Variants in TMEM232 observed in about 807,000 individuals in gnomAD.
TMEM232 encodes transmembrane protein 232.
In TMEM232, 80 loss-of-function variants were observed where a neutral mutation model predicts 78.8. That is an observed-to-expected ratio of 1.01 (90% CI 0.85 to 1.22). TMEM232 has a LOEUF of 1.22. Among genes scored for constraint, TMEM232 ranks in the 50% most tolerant of loss-of-function variants. TMEM232 has a pLI of 0.00. For missense variants in TMEM232, 881 were observed against 742.2 expected (o/e 1.19, Z -2.17); for synonymous variants, 297 against 254.3 (o/e 1.17, Z -1.60).
At chr5:110,721,419 T>A (rs1797588844) in intron 1 of TMEM232, among the ~76,000 whole-genome samples, 1 of 151,636 alleles carries the variant, frequency 6.6e-6, no homozygotes, top group Non-Finnish European at 1.5e-5. Context: ...CTTCTGTTTG[T>A]CATAATGTCT....
chr5:110,724,342 CTT>C (rs1184801979), intron 1 of TMEM232, among the ~76,000 whole-genome samples: 1 of 152,162 alleles, frequency 6.6e-6, no homozygotes, highest in Non-Finnish European at 1.5e-5. Context: ...CTTGACCTCT[CTT>C]GAGCTCTAGA....
In TMEM232 at chr5:110,721,671, G is replaced by GTATATATATATATATATATATA. The variant is rs1192575850; in HGVS notation, c.-13+4955_-13+4956insTATATATATATATATATATATA. 3.6e-3 allele frequency among the ~76,000 whole-genome samples: 85 copies of GTATATATATATATATATATATA among 23,392 alleles called. 3 individuals are homozygous for GTATATATATATATATATATATA. Among genetic ancestry groups the GTATATATATATATATATATATA allele is most frequent in the African/African-American group, 6.5e-3 (81 of 12,454 alleles). 15.3% of individuals were successfully genotyped at this position (23,392 alleles called of 152,430 possible). On this transcript the variant is annotated intron_variant, in intron 1 of 13. Transcript: ENST00000455884. ...CTGCATATCATGTGTGTGTGTGTGT[G>GTATATATATATATATATATATA]TGTATATATATATCTGTGTGTGTTA...
At chr5:110,684,589 T>A (rs1191332188) in intron 1 of TMEM232, among the ~76,000 whole-genome samples, 1 of 152,178 alleles carries the variant, frequency 6.6e-6, no homozygotes, top group African/African-American at 2.4e-5. Flanking sequence ...TCTGTGAGAA[T>A]AAATTAGTAA....
chr5:110,679,007 A>G (rs1384768557), intron 1 of TMEM232, among the ~76,000 whole-genome samples: 3 of 152,194 alleles, frequency 2.0e-5, no homozygotes, highest in African/African-American at 7.2e-5. Flanking sequence ...TATGGACTTA[A>G]GTTTTCAACT....
downstream of TMEM232, among the ~76,000 whole-genome samples, chr5:110,416,227 G>C (rs1318817126): frequency 2.0e-5 from 3 of 152,212 alleles, no homozygotes; most frequent in Non-Finnish European, 4.4e-5. Flanking sequence ...CTAGTCTCCA[G>C]TGGCCAACCT....
At chr5:110,693,698 G>A (rs1353999823) in intron 1 of TMEM232, among the ~76,000 whole-genome samples, 3 of 152,184 alleles carry the variant, frequency 2.0e-5, no homozygotes, top group African/African-American at 7.2e-5. Flanking sequence ...GGAAGAAAGG[G>A]TATCAATGAT....
rs313614 is a variant in TMEM232, at chr5:110,518,576, C to A, written c.1703+10012G>T. On this transcript the variant is annotated intron_variant, in intron 12 of 13. Coordinates refer to ENST00000455884, the MANE Select transcript of TMEM232 (RefSeq NM_001039763.4). The stretch of plus-strand genomic sequence containing the variant: ...TAAAGCCAGCCTGTGTGATCCTTAA[C>A]CCCAAATCTATATGTCTTCCTCACT... 5.0e-3 allele frequency among the ~76,000 whole-genome samples: 765 copies of A among 152,238 alleles called. 8 individuals carry two copies. Among genetic ancestry groups the A allele is most frequent in the African/African-American group, 0.018 (731 of 41,538 alleles).
chr5:110,498,381 G>A (rs1266975467), intron 12 of TMEM232, among the ~76,000 whole-genome samples: 1 of 152,120 alleles, frequency 6.6e-6, no homozygotes, highest in African/African-American at 2.4e-5. Context: ...GACTTGCTAA[G>A]CCCTATCTGG....
chr5:110,490,169 G>GAAAGAAAGAAAT, intron 12 of TMEM232, among the ~76,000 whole-genome samples: 1 of 129,754 alleles, frequency 7.7e-6, no homozygotes, highest in African/African-American at 3.8e-5. Flanking sequence ...AAGAAAGAAA[G>GAAAGAAAGAAAT]AAAGAAAGAA....
At chr5:110,568,142 T>G (rs1455673598) in intron 11 of TMEM232, among the ~76,000 whole-genome samples, 3 of 151,894 alleles carry the variant, frequency 2.0e-5, no homozygotes, top group Non-Finnish European at 4.4e-5. Context: ...CTATCAGAAT[T>G]TCCCACCAAG....
chr5:110,653,564 A>G (rs538264608), intron 2 of TMEM232, among the ~76,000 whole-genome samples: 5 of 152,314 alleles, frequency 3.3e-5, no homozygotes, highest in African/African-American at 1.2e-4. Flanking sequence ...GCACATGATC[A>G]CCCAGAATTT....
In TMEM232 at chr5:110,675,722, GA is replaced by G. The variant is rs1298065356; in HGVS notation, c.-12-8359del. ...ATGTTTTCATATATGCATACATTGT[GA>G]AATGATTACTACAATCAGGCTAATT... On this transcript the variant is annotated intron_variant, in intron 1 of 13. Coordinates refer to ENST00000455884, the MANE Select transcript of TMEM232 (RefSeq NM_001039763.4). Among the ~76,000 whole-genome samples, 3 of 152,286 alleles carry G rather than the reference GA, an allele frequency of 2.0e-5. No individual in the cohort carries two copies. The East Asian group carries it at 5.8e-4, about 29-fold the overall frequency.
intron 10 of TMEM232, among the ~76,000 whole-genome samples, chr5:110,593,822 T>C (rs1341539507): frequency 6.6e-6 from 1 of 152,108 alleles, no homozygotes; most frequent in Admixed American, 6.6e-5. Context: ...AAGGGTATAA[T>C]TGGATTGTTT....
chr5:110,663,775 A>G (rs1422496), intron 2 of TMEM232, among the ~76,000 whole-genome samples: 83,938 of 143,476 alleles, frequency 0.59, 27,163 homozygotes, highest in Non-Finnish European at 0.75. Flanking sequence ...GTGTGTGTGT[A>G]TATACAATAT....
At position 110,667,026 on chromosome 5, in the gene TMEM232, G is replaced by C. The variant is rs1018689748; in HGVS notation, c.125+202C>G. Among the ~76,000 whole-genome samples, 95 of 152,098 alleles carry C rather than the reference G, an allele frequency of 6.2e-4. 1 individual carries two copies. The highest frequency in any genetic ancestry group is 2.3e-3 in the African/African-American group (94 of 41,530). ...CAAATTAAGAAAACATATGAGTATA[G>C]ATAATTATTTCAAACAAAACGTGTA... On this transcript the variant is annotated intron_variant, in intron 2 of 13. Transcript: ENST00000455884.
intron 12 of TMEM232, among the ~76,000 whole-genome samples, chr5:110,523,396 CTTG>C (rs1050040553): frequency 9.9e-5 from 15 of 151,984 alleles, no homozygotes; most frequent in Admixed American, 3.3e-4. Context: ...CTGCTCTAAT[CTTG>C]TTATTTCTTT....
At chr5:110,418,393 C>A (rs957947883), downstream of TMEM232, among the ~76,000 whole-genome samples, 8 of 152,082 alleles carry the variant, frequency 5.3e-5, no homozygotes, top group African/African-American at 1.7e-4. Flanking sequence ...GATCTACACC[C>A]CACAGTCTTT....
At chr5:110,586,278 T>G (rs892215073) in intron 10 of TMEM232, among the ~76,000 whole-genome samples, 1 of 152,128 alleles carries the variant, frequency 6.6e-6, no homozygotes, top group African/African-American at 2.4e-5. Flanking sequence ...CATTTCTGTA[T>G]AAATTTTCCA....
chr5:110,491,920 A>G (rs1179665469), intron 12 of TMEM232, among the ~76,000 whole-genome samples: 1 of 151,956 alleles, frequency 6.6e-6, no homozygotes, highest in Non-Finnish European at 1.5e-5. Context: ...TAACCATTAT[A>G]TATCAATAAA....
Sources: allele counts gnomAD v4.1 joint callset (sites outside exome capture counted in the v4.1 genomes callset), GRCh38; gene constraint gnomAD v4.1.1; transcripts MANE v1.5; gene names NCBI Gene and HGNC (gene_info 2026-07-23, HGNC 2026-07-21).